SLC5A4: variants seen among roughly 807,000 people sequenced by gnomAD.
SLC5A4 encodes probable glucose sensor protein SLC5A4.
Under a neutral mutation model 70.3 loss-of-function variants are expected in SLC5A4, and 55 were observed. The observed-to-expected ratio is 0.78, with a 90% CI of 0.63 to 0.98. SLC5A4 has a LOEUF of 0.98. Ranked by LOEUF, SLC5A4 falls within the 50% of genes least tolerant of loss-of-function variation. The probability of loss-of-function intolerance (pLI) is 0.00; values close to 1 mark genes in which losing one functional copy is unlikely to be tolerated. For missense variants in SLC5A4, 735 were observed against 839.2 expected (o/e 0.88, Z 1.53); for synonymous variants, 268 against 305.7 (o/e 0.88, Z 1.29).
At chr22:32,229,553 A>G (rs1925622038) in intron 10 of SLC5A4, among the ~76,000 whole-genome samples, 1 of 152,214 alleles carries the variant, frequency 6.6e-6, no homozygotes, top group Admixed American at 6.5e-5. Flanking sequence ...AAGACAAAAC[A>G]TCACATGTTC....
chr22:32,354,052 G>A, the SLC5A4 span, among the ~76,000 whole-genome samples: 6 of 128,212 alleles, frequency 4.7e-5, no homozygotes, highest in South Asian at 1.0e-3. Flanking sequence ...CACCCAACCC[G>A]CCCCGCCGGA....
At chr22:32,351,483 C>G in the SLC5A4 span, among the ~76,000 whole-genome samples, 9 of 151,572 alleles carry the variant, frequency 5.9e-5, no homozygotes, top group African/African-American at 2.2e-4. Context: ...ATGGGAAGAT[C>G]ACAAGGTCAG....
At chr22:32,341,790 T>C in the SLC5A4 span, among the ~76,000 whole-genome samples, 1 of 152,226 alleles carries the variant, frequency 6.6e-6, no homozygotes, top group Non-Finnish European at 1.5e-5. Context: ...CTTGCTGTTC[T>C]CCAAATACAC....
intron 1 of SLC5A4, among the ~76,000 whole-genome samples, chr22:32,254,633 T>A (rs1320862899): frequency 6.6e-6 from 1 of 151,874 alleles, no homozygotes; most frequent in Non-Finnish European, 1.5e-5. Flanking sequence ...TGAAACCCCG[T>A]CTCTACTAAA....
At chr22:32,306,522 G>A in the SLC5A4 span, among the ~76,000 whole-genome samples, 1 of 73,484 alleles carries the variant, frequency 1.4e-5, no homozygotes, top group South Asian at 5.3e-4. Flanking sequence ...AGCGGTCAGT[G>A]AAAAACTCAT....
At chr22:32,306,776 G>A in the SLC5A4 span, among the ~76,000 whole-genome samples, 4 of 152,254 alleles carry the variant, frequency 2.6e-5, no homozygotes, top group Admixed American at 6.5e-5. Context: ...CCCCCACCTC[G>A]TTACTGCACA....
chr22:32,293,627 A>G, the SLC5A4 span, among the ~76,000 whole-genome samples: 1 of 152,088 alleles, frequency 6.6e-6, no homozygotes, highest in African/African-American at 2.4e-5. Context: ...TTTAAAACCC[A>G]TGAGACATTA....
intron 11 of SLC5A4, among the ~76,000 whole-genome samples, chr22:32,227,808 GC>G (rs1925491409): frequency 6.6e-6 from 1 of 151,924 alleles, no homozygotes; most frequent in African/African-American, 2.4e-5. Context: ...GGTCGTGCAC[GC>G]CTCTAGTCCC....
At chr22:32,329,816 GGTGTGTGTGTTGGGGGCTCTGGT>G in the SLC5A4 span, among the ~76,000 whole-genome samples, 30 of 55,624 alleles carry the variant, frequency 5.4e-4, 2 homozygotes, top group African/African-American at 2.5e-3. Flanking sequence ...TGGAGGCTCT[GGTGTGTGTGTTGGGGGCTCTGGT>G]GTGTGTGTGT....
At chr22:32,326,370 C>T in the SLC5A4 span, among the ~76,000 whole-genome samples, 1 of 151,618 alleles carries the variant, frequency 6.6e-6, no homozygotes. Context: ...GATTCTCCTG[C>T]CTCAGCCTCC....
At chr22:32,270,384 C>T in the SLC5A4 span, 3 of 1,444,588 alleles carry the variant, frequency 2.1e-6, no homozygotes, top group South Asian at 2.3e-5. Context: ...TGGTGACAAC[C>T]TTTGAGCTTC....
chr22:32,234,825 CACAG>C lies in SLC5A4; in HGVS notation c.885+44_885+47del, dbSNP rs374584654. 2,703 of 1,334,552 alleles carry C rather than the reference CACAG, an allele frequency of 2.0e-3. 5 individuals carry two copies. Among genetic ancestry groups the C allele is most frequent in the African/African-American group, 6.5e-3 (452 of 69,232 alleles). The allele number at this position is 1,334,552 out of a possible 1,614,324, so 82.7% of individuals were successfully genotyped here. On this transcript the variant is annotated intron_variant, in intron 8 of 14. Coordinates refer to ENST00000266086, the MANE Select transcript of SLC5A4 (RefSeq NM_014227.3). ...ACAAGCACATGCACACATACAGACA[CACAG>C]ACAGACAGACAGACAGACAGACACA... is the stretch of plus-strand genomic sequence containing the variant.
intron 5 of SLC5A4, among the ~76,000 whole-genome samples, chr22:32,243,892 G>C (rs1048556954): frequency 6.6e-6 from 1 of 152,144 alleles, no homozygotes; most frequent in Non-Finnish European, 1.5e-5. Flanking sequence ...GGGAGGCTGA[G>C]GCAGGAGAAT....
chr22:32,308,216 G>T, the SLC5A4 span, among the ~76,000 whole-genome samples: 2 of 150,518 alleles, frequency 1.3e-5, no homozygotes, highest in African/African-American at 2.5e-5. Flanking sequence ...ACTTCTGAAG[G>T]CTCTTCCTGT....
intron 11 of SLC5A4, among the ~76,000 whole-genome samples, chr22:32,227,892 G>A (rs563321786): frequency 2.0e-4 from 30 of 151,050 alleles, no homozygotes; most frequent in African/African-American, 7.4e-4. Flanking sequence ...GCTTGAACTC[G>A]GGAGGCAGAG....
upstream of SLC5A4, among the ~76,000 whole-genome samples, chr22:32,255,531 T>G (rs922560266): frequency 6.6e-6 from 1 of 152,050 alleles, no homozygotes; most frequent in African/African-American, 2.4e-5. Context: ...GAATGAGGGA[T>G]GCAGGGCCAG....
At chr22:32,249,475 C>G (rs1927020282) in intron 3 of SLC5A4, among the ~76,000 whole-genome samples, 2 of 152,142 alleles carry the variant, frequency 1.3e-5, no homozygotes. Flanking sequence ...GTGTCCATGG[C>G]ACTATTAAAA....
At chr22:32,283,290 G>A in the SLC5A4 span, among the ~76,000 whole-genome samples, 18 of 151,836 alleles carry the variant, frequency 1.2e-4, no homozygotes, top group Non-Finnish European at 1.6e-4. Flanking sequence ...TCAGATATTC[G>A]CTGGGCTCAC....
chr22:32,262,082 C>T, the SLC5A4 span, among the ~76,000 whole-genome samples: 1 of 152,190 alleles, frequency 6.6e-6, no homozygotes, highest in East Asian at 1.9e-4. Context: ...TTGATGGACA[C>T]TTAGGTTGCT....
Sources: gnomAD v4.1 joint callset for allele counts (sites outside exome capture counted in the v4.1 genomes callset) on GRCh38, gnomAD v4.1.1 for gene constraint, MANE v1.5 for transcripts, NCBI Gene and HGNC (gene_info 2026-07-23, HGNC 2026-07-21) for gene names.